The following TMEM135 variants were observed in gnomAD, a reference collection of about 807,000 sequenced individuals.
TMEM135 encodes the protein transmembrane protein 135, also known as peroxisomal membrane protein 52.
TMEM135 carries 30 observed loss-of-function variants against 60.3 expected under a neutral mutation model. The ratio of observed to expected loss-of-function variants is 0.50; its 90% CI spans 0.37 to 0.68. The LOEUF is 0.68. Among genes scored for constraint, TMEM135 ranks in the 30% least tolerant of loss-of-function variants. The pLI is 0.00. For synonymous variants in TMEM135, 190 were observed against 186.7 expected (o/e 1.02, Z -0.14); for missense variants, 468 against 548.8 (o/e 0.85, Z 1.47).
intron 5 of TMEM135, among the ~76,000 whole-genome samples, chr11:87,191,987 CTT>C (rs200969171): frequency 3.9e-5 from 3 of 77,182 alleles, no homozygotes; most frequent in Non-Finnish European, 6.9e-5. Context: ...CTTTTCTTTT[CTT>C]TTTTTTTTTT....
intron 5 of TMEM135, among the ~76,000 whole-genome samples, chr11:87,173,835 C>A (rs1939302313): frequency 6.6e-6 from 1 of 152,122 alleles, no homozygotes; most frequent in African/African-American, 2.4e-5. Context: ...TTATTTCCTT[C>A]CTGTGTGAGT....
At chr11:87,255,465 C>T (rs1941507616) in intron 6 of TMEM135, among the ~76,000 whole-genome samples, 2 of 152,152 alleles carry the variant, frequency 1.3e-5, no homozygotes, top group Admixed American at 1.3e-4. Flanking sequence ...AATAAAGCCA[C>T]AGGTGACTCT....
At chr11:87,092,362 TG>T (rs1329884578) in intron 4 of TMEM135, among the ~76,000 whole-genome samples, 2 of 152,168 alleles carry the variant, frequency 1.3e-5, no homozygotes, top group African/African-American at 2.4e-5. Context: ...GAAAAGTGGG[TG>T]TAACCCCTTT....
At chr11:87,172,422 G>GT (rs529590902) in intron 5 of TMEM135, among the ~76,000 whole-genome samples, 4,952 of 145,360 alleles carry the variant, frequency 0.034, 79 homozygotes, top group African/African-American at 0.035. Flanking sequence ...AGAAAAGTAG[G>GT]TTTTTTTTTT....
chr11:87,302,296 G>T lies in TMEM135; in HGVS notation c.552G>T (p.Arg184Ser). Reference sequence around the variant, plus strand: ...CCTCACATTGTGCTCTTTTCTTTAGGTTCATTGTAGGGAAGGAAGAAATTC... The same window carrying T: ...CCTCACATTGTGCTCTTTTCTTTAGTTTCATTGTAGGGAAGGAAGAAATTC... ...GLKGFTFSALRFIVGKEEIPT... is the reference protein window; with the variant it reads ...GLKGFTFSALSFIVGKEEIPT... The change falls in exon 8 of 15, where the codon AGG (arginine) becomes AGT (serine). Residue 184 changes from arginine to serine, a missense_variant and splice_region_variant. Arg to Ser is a moderately radical substitution (Grantham distance 110, BLOSUM62 -1). Coordinates refer to ENST00000305494, the MANE Select transcript of TMEM135 (RefSeq NM_022918.4). 6.2e-7 allele frequency: 1 copy of T among 1,612,964 alleles called. No individual in the cohort carries two copies. Among genetic ancestry groups the T allele is most frequent in the South Asian group, 1.1e-5 (1 of 91,034 alleles).
intron 5 of TMEM135, among the ~76,000 whole-genome samples, chr11:87,203,428 G>A (rs548052216): frequency 2.0e-5 from 3 of 152,204 alleles, no homozygotes; most frequent in Non-Finnish European, 4.4e-5. Context: ...ACCTTTTCCA[G>A]AGTGTCATAT....
chr11:87,055,741 C>G (rs1235939541), intron 1 of TMEM135, among the ~76,000 whole-genome samples: 1 of 152,080 alleles, frequency 6.6e-6, no homozygotes, highest in East Asian at 1.9e-4. Context: ...CAAGTATGCG[C>G]CACCATGCTT....
intron 5 of TMEM135, among the ~76,000 whole-genome samples, chr11:87,192,109 G>C (rs1356205662): frequency 6.7e-6 from 1 of 148,254 alleles, no homozygotes; most frequent in Non-Finnish European, 1.5e-5. Context: ...AGCCTCCCGA[G>C]TAGCTGGGAC....
intron 5 of TMEM135, among the ~76,000 whole-genome samples, chr11:87,230,697 T>C (rs1940871588): frequency 6.6e-6 from 1 of 151,998 alleles, no homozygotes; most frequent in Non-Finnish European, 1.5e-5. Context: ...ACAGTGAAAA[T>C]GTCATTCACT....
chr11:87,066,942 G>A (rs954776928), intron 1 of TMEM135, among the ~76,000 whole-genome samples: 45 of 151,042 alleles, frequency 3.0e-4, no homozygotes, highest in Admixed American at 1.8e-3. Flanking sequence ...CACCACGCCC[G>A]TCTCATTTTT....
chr11:87,240,506 T>G (rs1226140133), intron 6 of TMEM135, among the ~76,000 whole-genome samples: 1 of 146,516 alleles, frequency 6.8e-6, no homozygotes, highest in East Asian at 2.0e-4. Flanking sequence ...CATTCAGGAT[T>G]GATTGGGGTC....
At chr11:87,130,995 A>G (rs948283020) in intron 4 of TMEM135, among the ~76,000 whole-genome samples, 5 of 150,880 alleles carry the variant, frequency 3.3e-5, no homozygotes, top group African/African-American at 4.9e-5. Context: ...TAGATTGTAC[A>G]TATATCCTTT....
chr11:87,080,466 A>G (rs1856966253), intron 3 of TMEM135, among the ~76,000 whole-genome samples: 1 of 152,004 alleles, frequency 6.6e-6, no homozygotes, highest in Non-Finnish European at 1.5e-5. Flanking sequence ...TAGTTTTATC[A>G]TTTGCTGAGA....
intron 5 of TMEM135, among the ~76,000 whole-genome samples, chr11:87,203,105 A>G (rs573471088): frequency 2.0e-5 from 3 of 151,520 alleles, no homozygotes; most frequent in East Asian, 3.9e-4. Flanking sequence ...GAGATTTCTC[A>G]TATACCCAAT....
chr11:87,190,493 A>G (rs1939773370), intron 5 of TMEM135, among the ~76,000 whole-genome samples: 1 of 152,194 alleles, frequency 6.6e-6, no homozygotes, highest in Admixed American at 6.5e-5. Flanking sequence ...AGAAGTCTTG[A>G]AATTTCTAAG....
chr11:87,122,901 C>T (rs544983971), intron 4 of TMEM135, among the ~76,000 whole-genome samples: 1 of 152,270 alleles, frequency 6.6e-6, no homozygotes, highest in East Asian at 1.9e-4. Flanking sequence ...TGCTGAAGTC[C>T]AGAAGTTGAG....
chr11:87,290,012 A>T (rs1051131418), intron 6 of TMEM135, among the ~76,000 whole-genome samples: 5 of 91,412 alleles, frequency 5.5e-5, no homozygotes, highest in African/African-American at 1.8e-4. Context: ...CTGGATATTA[A>T]TCCCCCCTAG....
chr11:87,239,001 A>G (rs962673760), intron 6 of TMEM135, among the ~76,000 whole-genome samples: 4 of 152,040 alleles, frequency 2.6e-5, no homozygotes, highest in Non-Finnish European at 4.4e-5. Flanking sequence ...TCATTTGTTA[A>G]ATACACCAAT....
chr11:87,258,884 G>T, intron 6 of TMEM135: 1 of 965,770 alleles, frequency 1.0e-6, no homozygotes. Context: ...AGAGCCCCTT[G>T]CATTCTTCCT....
Sources: gnomAD v4.1 joint callset for allele counts (sites outside exome capture counted in the v4.1 genomes callset) on GRCh38, gnomAD v4.1.1 for gene constraint, MANE v1.5 for transcripts, NCBI Gene and HGNC (gene_info 2026-07-23, HGNC 2026-07-21) for gene names.